Variants in GABRR1 observed in about 807,000 individuals in gnomAD.
GABRR1 encodes the protein gamma-aminobutyric acid receptor subunit rho-1.
A neutral mutation model predicts 55.5 loss-of-function variants in GABRR1; 59 were observed. The ratio of observed to expected loss-of-function variants is 1.06; its 90% CI spans 0.86 to 1.32. The LOEUF (loss-of-function observed/expected upper bound fraction) is 1.32. GABRR1 is among the 40% of genes most tolerant of loss of function. GABRR1 has a pLI of 0.00. For missense variants in GABRR1, 602 were observed against 619.1 expected (o/e 0.97, Z 0.29); for synonymous variants, 213 against 226.0 (o/e 0.94, Z 0.51).
chr6:89,187,674 T>C (rs1442481235), intron 6 of GABRR1, among the ~76,000 whole-genome samples: 1 of 152,196 alleles, frequency 6.6e-6, no homozygotes. Context: ...TTTCTGTCTC[T>C]ATAATTTTGA....
At chr6:89,206,437 C>T (rs1465477714) in intron 1 of GABRR1, among the ~76,000 whole-genome samples, 2 of 152,132 alleles carry the variant, frequency 1.3e-5, no homozygotes, top group Admixed American at 6.5e-5. Context: ...ATTCTTCATA[C>T]CCTTTGTTAC....
At chr6:89,200,241 C>CTTT (rs10603486) in intron 3 of GABRR1, among the ~76,000 whole-genome samples, 21 of 86,326 alleles carry the variant, frequency 2.4e-4, no homozygotes, top group African/African-American at 6.4e-4. Flanking sequence ...TTCTTTTTCC[C>CTTT]TTTTTTTTTT....
rs1034462982 is a variant in GABRR1, at chr6:89,178,820, G to T, written c.1390C>A (p.Pro464Thr). 6 of 1,613,986 alleles carry T rather than the reference G, an allele frequency of 3.7e-6. No homozygotes were observed. The highest frequency in any genetic ancestry group is 5.1e-6 in the Non-Finnish European group (6 of 1,179,972). ...AIDKYSRIIF[P>T]AAYILFNLIY... ...AAATTGAATAAAATGTATGCTGCTG[G>T]AAAGATGATCCTGGAGTATTTATCA... is the stretch of plus-strand genomic sequence containing the variant. Residue 464 changes from proline (P) to threonine (T), a missense_variant, in exon 10 of 10, where the codon CCA becomes ACA. Transcript: ENST00000454853.
chr6:89,199,680 C>G (rs1393445453), intron 3 of GABRR1, among the ~76,000 whole-genome samples: 1 of 152,134 alleles, frequency 6.6e-6, no homozygotes, highest in Non-Finnish European at 1.5e-5. Context: ...TGATGAAGAC[C>G]TAGGTCAAAA....
chr6:89,178,707 C>G lies in GABRR1; in HGVS notation c.*63G>C, dbSNP rs1384137036. The G allele has an allele frequency of 2.1e-6, 3 of 1,415,146 alleles. No homozygotes were observed. In the African/African-American group the frequency reaches 4.3e-5, roughly 20 times the overall value. The allele number at this position is 1,415,146 out of a possible 1,614,324, so 87.7% of individuals were successfully genotyped here. Reference sequence around the variant, plus strand: ...TTAACCATATCCTTAAATACTTTTTCATTATACAGTTATTTCTGTAGTGCA... The same window carrying G: ...TTAACCATATCCTTAAATACTTTTTGATTATACAGTTATTTCTGTAGTGCA... On this transcript the variant is annotated 3_prime_UTR_variant, in exon 10 of 10. Coordinates refer to ENST00000454853, the MANE Select transcript of GABRR1 (RefSeq NM_002042.5).
intron 2 of GABRR1, among the ~76,000 whole-genome samples, chr6:89,202,319 T>A (rs1772505512): frequency 6.6e-6 from 1 of 152,192 alleles, no homozygotes; most frequent in South Asian, 2.1e-4. Flanking sequence ...TTTGAGACAG[T>A]CTCACTGTGT....
rs534023140 is a variant in GABRR1, at chr6:89,192,028, T to C, written c.573-1781A>G. 4.0e-5 allele frequency among the ~76,000 whole-genome samples: 6 copies of C among 148,280 alleles called. No homozygotes were observed. In the South Asian group the frequency reaches 1.3e-3, roughly 32 times the overall value. ...CTGCACTCCGGCCTGGGCAACAGAG[T>C]GAGACTCCATCGAAAAAAAAAAAAA... On this transcript the variant is annotated intron_variant, in intron 5 of 9. Coordinates refer to ENST00000454853, the MANE Select transcript of GABRR1 (RefSeq NM_002042.5).
At chr6:89,186,877 G>A (rs1225119299) in intron 6 of GABRR1, among the ~76,000 whole-genome samples, 1 of 152,208 alleles carries the variant, frequency 6.6e-6, no homozygotes, top group Non-Finnish European at 1.5e-5. Context: ...CTATGCAGCT[G>A]TCCCTTTGGC....
At chr6:89,210,141 G>A (rs1248525296) in intron 1 of GABRR1, among the ~76,000 whole-genome samples, 2 of 150,460 alleles carry the variant, frequency 1.3e-5, no homozygotes, top group African/African-American at 4.9e-5. Flanking sequence ...TTTAAAGTGA[G>A]GGGGTTTCTA....
intron 4 of GABRR1, among the ~76,000 whole-genome samples, 175 bp from the exon 5 acceptor site, chr6:89,198,418 C>T (rs527796649): frequency 3.2e-5 from 4 of 124,302 alleles, no homozygotes; most frequent in East Asian, 4.6e-4. Context: ...CTGCAGGGGG[C>T]GGGGGGCGGG....
Position 89,229,304 on chromosome 6 carries a change from T to G in GABRR1, c.-411+1912A>C, listed in dbSNP as rs958244202. On this transcript the variant is annotated intron_variant, in intron 1 of 11. Coordinates refer to the GABRR1 transcript ENST00000369451. ...TTATGTGTGAATTTGATCCTGTCAT[T>G]ATGATGTTAGCTGGTGATTTTGCTC... is the stretch of plus-strand genomic sequence containing the variant. 3.1e-4 allele frequency among the ~76,000 whole-genome samples: 47 copies of G among 152,032 alleles called. 2 individuals carry two copies. Among genetic ancestry groups the G allele is most frequent in the Non-Finnish European group, 1.0e-4 (7 of 68,024 alleles).
intron 1 of GABRR1, among the ~76,000 whole-genome samples, chr6:89,213,613 C>T (rs1451784175): frequency 6.6e-6 from 1 of 152,186 alleles, no homozygotes; most frequent in East Asian, 1.9e-4. Context: ...GAGGAAAACA[C>T]TTAAATGGTG....
intron 5 of GABRR1, among the ~76,000 whole-genome samples, chr6:89,193,335 T>C (rs1772160941): frequency 6.6e-6 from 1 of 152,232 alleles, no homozygotes; most frequent in Non-Finnish European, 1.5e-5. Flanking sequence ...CTGACAGAGT[T>C]GACATGTTTT....
At chr6:89,201,125 G>A (rs760973560) in intron 3 of GABRR1, 34 bp downstream of exon 3, 125 of 1,507,040 alleles carry the variant, frequency 8.3e-5, no homozygotes, top group Non-Finnish European at 1.1e-4. Flanking sequence ...AGGACCAGAA[G>A]AAAGAGGACA....
intron 1 of GABRR1, among the ~76,000 whole-genome samples, chr6:89,208,084 C>T (rs881293): frequency 2.0e-5 from 3 of 152,102 alleles, no homozygotes; most frequent in Non-Finnish European, 4.4e-5. Context: ...TGCTCTAGTC[C>T]TGTTGGCTGA....
At chr6:89,213,589 A>G (rs1397687637) in intron 1 of GABRR1, among the ~76,000 whole-genome samples, 1 of 152,278 alleles carries the variant, frequency 6.6e-6, no homozygotes, top group Admixed American at 6.5e-5. Context: ...GAAGCAACCA[A>G]ATGTCTGTAA....
At chr6:89,186,355 G>C (rs1279120238) in intron 6 of GABRR1, among the ~76,000 whole-genome samples, 2 of 152,232 alleles carry the variant, frequency 1.3e-5, no homozygotes, top group African/African-American at 4.8e-5. Flanking sequence ...TGGATAATCT[G>C]GGTGGGCCTG....
In GABRR1 at chr6:89,182,044, A is replaced by G; in HGVS notation, c.810T>C (p.Arg270=). The stretch of plus-strand genomic sequence containing the variant: ...GACGCAACGTGAAATTAATGTAGAG[A>G]CGGTTGTACCAGCCTGGGGGACACA... The part of the protein sequence containing the change: ...AFYSSTGWYN[R]LYINFTLRRH... Residue 270 remains arginine (R), a synonymous_variant, in exon 8 of 10, where the codon CGT becomes CGC. Transcript: ENST00000454853. 6.2e-7 allele frequency: 1 copy of G among 1,613,988 alleles called. No individual in the cohort carries two copies. Among genetic ancestry groups the G allele is most frequent in the Non-Finnish European group, 8.5e-7 (1 of 1,179,986 alleles).
Position 89,192,145 on chromosome 6 carries a change from C to T in GABRR1, c.573-1898G>A, listed in dbSNP as rs555589563. ...AAGCGCAAGGAGACAGGGAGGTGGG[C>T]GCAGGGCAGTTCTGTGGCTGGGCGG... On this transcript the variant is annotated intron_variant, in intron 5 of 9. Coordinates refer to ENST00000454853, the MANE Select transcript of GABRR1 (RefSeq NM_002042.5). Among the ~76,000 whole-genome samples the T allele has an allele frequency of 5.9e-5, 9 of 152,194 alleles. No individual in the cohort carries two copies. In the South Asian group the frequency reaches 1.0e-3, roughly 18 times the overall value.
Sources: gnomAD v4.1 joint callset for allele counts (sites outside exome capture counted in the v4.1 genomes callset) on GRCh38, gnomAD v4.1.1 for gene constraint, MANE v1.5 for transcripts, NCBI Gene and HGNC (gene_info 2026-07-23, HGNC 2026-07-21) for gene names.